NRXN3: variants seen among roughly 807,000 people sequenced by gnomAD.
NRXN3 encodes neurexin III.
A neutral mutation model predicts 137.6 loss-of-function variants in NRXN3; 32 were observed. The observed-to-expected ratio is 0.23, with a 90% CI of 0.18 to 0.31. The LOEUF is 0.31. NRXN3 is among the 10% of genes least tolerant of loss of function. The probability of loss-of-function intolerance (pLI) is 1.00; values close to 1 mark genes in which losing one functional copy is unlikely to be tolerated. For missense variants in NRXN3, 1,574 were observed against 2,062.5 expected (o/e 0.76, Z 4.59); for synonymous variants, 798 against 784.5 (o/e 1.02, Z -0.29).
intron 15 of NRXN3, among the ~76,000 whole-genome samples, chr14:79,430,134 T>A (rs1359997328): frequency 6.6e-6 from 1 of 152,198 alleles, no homozygotes; most frequent in African/African-American, 2.4e-5. Context: ...TAAGCCCTAA[T>A]CTGGTTTTCT....
At chr14:79,578,802 T>C (rs763334043) in intron 16 of NRXN3, among the ~76,000 whole-genome samples, 35 of 152,114 alleles carry the variant, frequency 2.3e-4, no homozygotes, top group Non-Finnish European at 4.4e-4. Flanking sequence ...GTTTTGAACT[T>C]TGTAGTCAGG....
intron 8 of NRXN3, among the ~76,000 whole-genome samples, chr14:78,740,312 C>T (rs2098558818): frequency 6.6e-6 from 1 of 151,954 alleles, no homozygotes; most frequent in South Asian, 2.1e-4. Flanking sequence ...TGTCTTGAGG[C>T]TTACAGACCC....
intron 20 of NRXN3, among the ~76,000 whole-genome samples, chr14:79,829,522 A>T (rs1186171519): frequency 6.6e-6 from 1 of 152,190 alleles, no homozygotes; most frequent in Non-Finnish European, 1.5e-5. Flanking sequence ...AGCACATTTT[A>T]TGGAGTCAGG....
intron 14 of NRXN3, among the ~76,000 whole-genome samples, chr14:78,979,917 G>A (rs555072646): frequency 4.6e-5 from 7 of 152,066 alleles, no homozygotes; most frequent in Non-Finnish European, 7.4e-5. Context: ...ACCTCCCACC[G>A]GGCCCCTCCC....
intron 4 of NRXN3, among the ~76,000 whole-genome samples, chr14:78,425,717 T>C (rs1028892925): frequency 6.6e-6 from 1 of 152,174 alleles, no homozygotes; most frequent in African/African-American, 2.4e-5. Context: ...ATATATTTTC[T>C]ACCCCTTCCC....
intron 16 of NRXN3, among the ~76,000 whole-genome samples, chr14:79,590,364 G>C (rs992770490): frequency 5.7e-5 from 8 of 140,752 alleles, no homozygotes; most frequent in African/African-American, 1.9e-4. Flanking sequence ...TGATTGTGAG[G>C]CCTCCCCAGC....
intron 15 of NRXN3, among the ~76,000 whole-genome samples, chr14:79,412,753 A>G (rs2095435996): frequency 7.7e-6 from 1 of 129,260 alleles, no homozygotes; most frequent in African/African-American, 2.9e-5. Flanking sequence ...ACTGCACTCC[A>G]GCCTGGGTGA....
At chr14:79,688,982 A>C (rs1023869980) in intron 17 of NRXN3, among the ~76,000 whole-genome samples, 6 of 152,168 alleles carry the variant, frequency 3.9e-5, no homozygotes, top group African/African-American at 1.4e-4. Context: ...GAAGTAATTT[A>C]AGAATGGTTT....
intron 16 of NRXN3, among the ~76,000 whole-genome samples, chr14:79,505,057 A>G (rs939111025): frequency 9.9e-5 from 15 of 152,068 alleles, no homozygotes; most frequent in Admixed American, 7.9e-4. Context: ...TCTACTAAAA[A>G]TACAAAAATT....
intron 15 of NRXN3, among the ~76,000 whole-genome samples, chr14:79,153,440 G>A (rs913085564): frequency 1.3e-5 from 2 of 151,762 alleles, no homozygotes; most frequent in African/African-American, 4.8e-5. Context: ...AAACTCCTAG[G>A]CAATCAGAGC....
At chr14:79,036,498 C>T (rs1365734866) in intron 15 of NRXN3, among the ~76,000 whole-genome samples, 1 of 148,658 alleles carries the variant, frequency 6.7e-6, no homozygotes, top group Non-Finnish European at 1.5e-5. Context: ...GTGACAAAAA[C>T]AAAACAACAA....
chr14:78,780,376 G>A (rs1167196346), intron 8 of NRXN3, among the ~76,000 whole-genome samples: 1 of 151,992 alleles, frequency 6.6e-6, no homozygotes, highest in African/African-American at 2.4e-5. Context: ...ATGGTGATTA[G>A]CTTTACGACC....
At chr14:78,462,714 T>A (rs892279493) in intron 4 of NRXN3, among the ~76,000 whole-genome samples, 1 of 152,224 alleles carries the variant, frequency 6.6e-6, no homozygotes, top group African/African-American at 2.4e-5. Context: ...TAGCTATAAT[T>A]AAATATAATT....
intron 15 of NRXN3, among the ~76,000 whole-genome samples, chr14:79,338,049 G>A (rs1460853805): frequency 6.6e-6 from 1 of 152,034 alleles, no homozygotes; most frequent in Non-Finnish European, 1.5e-5. Flanking sequence ...GGTTCTCCAT[G>A]GAAGTCCTTT....
intron 4 of NRXN3, among the ~76,000 whole-genome samples, chr14:78,528,389 G>T (rs2096411353): frequency 1.3e-5 from 2 of 152,164 alleles, no homozygotes; most frequent in African/African-American, 4.8e-5. Flanking sequence ...CCACACTCCT[G>T]ATTAAATGTG....
intron 19 of NRXN3, among the ~76,000 whole-genome samples, chr14:79,742,693 C>T (rs545573300): frequency 8.5e-5 from 13 of 152,286 alleles, no homozygotes; most frequent in Non-Finnish European, 1.9e-4. Flanking sequence ...TATGTAGTCT[C>T]ACCTCTCCCT....
At chr14:78,294,738 T>C (rs2076152051) in intron 3 of NRXN3, among the ~76,000 whole-genome samples, 1 of 152,118 alleles carries the variant, frequency 6.6e-6, no homozygotes, top group Non-Finnish European at 1.5e-5. Context: ...GTAGCACAGA[T>C]GGAAATCAAA....
At chr14:78,971,835 C>T (rs31408) in intron 14 of NRXN3, among the ~76,000 whole-genome samples, 16,397 of 152,036 alleles carry the variant, frequency 0.11, 2,115 homozygotes, top group East Asian at 0.4. Flanking sequence ...GGGGTTTTAC[C>T]ATGTTGGCCA....
At chr14:78,506,988 A>G (rs1422870637) in intron 4 of NRXN3, among the ~76,000 whole-genome samples, 1 of 152,082 alleles carries the variant, frequency 6.6e-6, no homozygotes, top group Non-Finnish European at 1.5e-5. Flanking sequence ...ATTGAGTTGT[A>G]GGCATTCCTT....
Sources: gnomAD v4.1 joint callset for allele counts (sites outside exome capture counted in the v4.1 genomes callset) on GRCh38, gnomAD v4.1.1 for gene constraint, MANE v1.5 for transcripts, NCBI Gene and HGNC (gene_info 2026-07-23, HGNC 2026-07-21) for gene names.